The following CDH18 variants were observed in gnomAD, a reference collection of about 807,000 sequenced individuals.
CDH18 encodes the protein cadherin 18.
CDH18 carries 31 observed loss-of-function variants against 67.9 expected under a neutral mutation model. The observed-to-expected ratio is 0.46, with a 90% CI of 0.34 to 0.62. The LOEUF is 0.62. Ranked by LOEUF, CDH18 falls within the 20% of genes least tolerant of loss-of-function variation. CDH18 has a pLI of 0.01. For synonymous variants in CDH18, 362 were observed against 347.2 expected (o/e 1.04, Z -0.48); for missense variants, 890 against 975.5 (o/e 0.91, Z 1.17).
chr5:19,877,609 A>C (rs1425485650), intron 2 of CDH18, among the ~76,000 whole-genome samples: 3 of 152,170 alleles, frequency 2.0e-5, no homozygotes, highest in Non-Finnish European at 4.4e-5. Flanking sequence ...ATTTATGTTT[A>C]TAGTAACATA....
At chr5:20,355,768 G>C (rs1741559928) in intron 1 of CDH18, among the ~76,000 whole-genome samples, 1 of 152,160 alleles carries the variant, frequency 6.6e-6, no homozygotes, top group South Asian at 2.1e-4. Context: ...ACATCAAGCT[G>C]AATATGCTGC....
chr5:20,172,765 C>A (rs1041240159), intron 2 of CDH18, among the ~76,000 whole-genome samples: 2 of 151,838 alleles, frequency 1.3e-5, no homozygotes, highest in Non-Finnish European at 2.9e-5. Flanking sequence ...CCAAGGCAGG[C>A]GGATCACCTG....
chr5:19,900,898 G>C (rs1038627564), intron 2 of CDH18, among the ~76,000 whole-genome samples: 1 of 152,078 alleles, frequency 6.6e-6, no homozygotes. Context: ...TATCAGTAAA[G>C]ACGAGCCTTC....
At chr5:19,950,644 T>C (rs1795702035) in intron 2 of CDH18, among the ~76,000 whole-genome samples, 1 of 152,294 alleles carries the variant, frequency 6.6e-6, no homozygotes, top group African/African-American at 2.4e-5. Context: ...TTACTGATTA[T>C]CTTAACTACT....
chr5:20,520,767 A>C (rs1010718586), intron 1 of CDH18, among the ~76,000 whole-genome samples: 1 of 152,206 alleles, frequency 6.6e-6, no homozygotes, highest in Non-Finnish European at 1.5e-5. Context: ...GTTAAATTTG[A>C]GGTGCCTACT....
At chr5:19,541,344 T>C (rs745435740) in intron 9 of CDH18, among the ~76,000 whole-genome samples, 1 of 152,108 alleles carries the variant, frequency 6.6e-6, no homozygotes, top group Non-Finnish European at 1.5e-5. Context: ...TTCCAAACTT[T>C]CCCACATTTT....
intron 2 of CDH18, among the ~76,000 whole-genome samples, chr5:20,181,081 G>A (rs1443920542): frequency 6.6e-6 from 1 of 152,018 alleles, no homozygotes; most frequent in Admixed American, 6.6e-5. Context: ...AATTCCACAA[G>A]GTGCACACTT....
intron 1 of CDH18, among the ~76,000 whole-genome samples, chr5:20,448,328 T>A (rs1050242887): frequency 3.3e-5 from 5 of 151,998 alleles, no homozygotes; most frequent in Non-Finnish European, 5.9e-5. Flanking sequence ...TGTATGACAA[T>A]GAACATTTAT....
intron 1 of CDH18, among the ~76,000 whole-genome samples, chr5:20,483,325 T>C (rs896427893): frequency 1.3e-5 from 2 of 152,038 alleles, no homozygotes; most frequent in East Asian, 1.9e-4. Flanking sequence ...ATCAATGTTG[T>C]TAAAATTTCC....
chr5:20,328,628 C>T (rs1738851639), intron 1 of CDH18, among the ~76,000 whole-genome samples: 1 of 151,910 alleles, frequency 6.6e-6, no homozygotes, highest in African/African-American at 2.4e-5. Flanking sequence ...TCCTTCACCC[C>T]ATAAACAGCC....
At chr5:20,444,548 A>G (rs1749861117) in intron 1 of CDH18, among the ~76,000 whole-genome samples, 1 of 152,158 alleles carries the variant, frequency 6.6e-6, no homozygotes, top group Non-Finnish European at 1.5e-5. Flanking sequence ...AAACAAACAA[A>G]ACAAAACAAA....
intron 5 of CDH18, among the ~76,000 whole-genome samples, chr5:19,678,699 G>GA (rs973908826): frequency 7.3e-5 from 11 of 151,080 alleles, no homozygotes; most frequent in South Asian, 4.2e-4. Context: ...GTAAAACCTA[G>GA]AAAAAAAATG....
chr5:19,515,857 T>C (rs867435079), intron 10 of CDH18, among the ~76,000 whole-genome samples: 17 of 152,180 alleles, frequency 1.1e-4, no homozygotes, highest in Non-Finnish European at 4.4e-5. Context: ...TCTTGCCTGA[T>C]TGCCCTGGCC....
At chr5:20,154,867 T>G (rs1372143337) in intron 2 of CDH18, among the ~76,000 whole-genome samples, 1 of 152,182 alleles carries the variant, frequency 6.6e-6, no homozygotes, top group Non-Finnish European at 1.5e-5. Flanking sequence ...CTATAACAAG[T>G]TCTTGCTTTT....
intron 1 of CDH18, among the ~76,000 whole-genome samples, chr5:20,358,389 A>G (rs1741806393): frequency 6.6e-6 from 1 of 152,228 alleles, no homozygotes; most frequent in South Asian, 2.1e-4. Flanking sequence ...ACATAAGAAT[A>G]TAGATATTAA....
chr5:19,625,791 T>C, intron 5 of CDH18, among the ~76,000 whole-genome samples: 1 of 151,986 alleles, frequency 6.6e-6, no homozygotes, highest in Non-Finnish European at 1.5e-5. Flanking sequence ...CCACAGAAGT[T>C]CACCCCATTT....
chr5:20,137,236 G>T (rs1749809136), intron 2 of CDH18, among the ~76,000 whole-genome samples: 1 of 152,036 alleles, frequency 6.6e-6, no homozygotes, highest in African/African-American at 2.4e-5. Flanking sequence ...ATGTAGACTT[G>T]CTCTTTTCAC....
intron 5 of CDH18, among the ~76,000 whole-genome samples, chr5:19,630,794 A>C: frequency 6.6e-6 from 1 of 152,220 alleles, no homozygotes; most frequent in African/African-American, 2.4e-5. Context: ...GCAAAGAGTT[A>C]TTTAAAATTT....
intron 2 of CDH18, among the ~76,000 whole-genome samples, chr5:20,222,727 T>C (rs1741328278): frequency 6.6e-6 from 1 of 151,884 alleles, no homozygotes; most frequent in Non-Finnish European, 1.5e-5. Context: ...GAGTTTGAAC[T>C]GAGGGAAAAA....
Sources: allele counts gnomAD v4.1 joint callset (sites outside exome capture counted in the v4.1 genomes callset), GRCh38; gene constraint gnomAD v4.1.1; transcripts MANE v1.5; gene names NCBI Gene and HGNC (gene_info 2026-07-23, HGNC 2026-07-21).